PDGFC: variants seen among roughly 807,000 people sequenced by gnomAD.
The protein encoded by PDGFC is platelet derived growth factor C, also known as platelet-derived growth factor C.
PDGFC carries 12 observed loss-of-function variants against 35.5 expected under a neutral mutation model. The observed-to-expected ratio is 0.34, with a 90% CI of 0.22 to 0.55. The LOEUF (loss-of-function observed/expected upper bound fraction) is 0.55. Among genes scored for constraint, PDGFC ranks in the 20% least tolerant of loss-of-function variants. The pLI, the probability that PDGFC is intolerant of heterozygous loss-of-function variation, is 0.91. For missense variants in PDGFC, 322 were observed against 412.4 expected (o/e 0.78, Z 1.90); for synonymous variants, 159 against 148.8 (o/e 1.07, Z -0.50).
intron 1 of PDGFC, among the ~76,000 whole-genome samples, chr4:156,868,501 C>T (rs949518651): frequency 2.0e-5 from 3 of 152,046 alleles, no homozygotes; most frequent in African/African-American, 7.2e-5. Context: ...TGATGCTTTA[C>T]GATGAACAAA....
chr4:156,786,318 T>C (rs553471506), intron 3 of PDGFC, among the ~76,000 whole-genome samples: 4 of 152,108 alleles, frequency 2.6e-5, no homozygotes, highest in East Asian at 3.9e-4. Flanking sequence ...GATGGTAAAG[T>C]GTATTGCAGG....
intron 3 of PDGFC, among the ~76,000 whole-genome samples, chr4:156,790,194 T>A (rs1237979545): frequency 6.6e-6 from 1 of 152,136 alleles, no homozygotes; most frequent in Non-Finnish European, 1.5e-5. Flanking sequence ...ATTTAATGGG[T>A]TGTTTTGCAG....
intron 1 of PDGFC, among the ~76,000 whole-genome samples, chr4:156,934,314 A>G (rs1731625136): frequency 6.6e-6 from 1 of 152,244 alleles, no homozygotes; most frequent in South Asian, 2.1e-4. Context: ...CAATTGTAAT[A>G]CAACGGTAAG....
At chr4:156,784,135 G>A (rs1046821812) in intron 3 of PDGFC, among the ~76,000 whole-genome samples, 2 of 152,166 alleles carry the variant, frequency 1.3e-5, no homozygotes, top group African/African-American at 2.4e-5. Flanking sequence ...ACTTGGAATA[G>A]AGAAAGATAA....
intron 3 of PDGFC, among the ~76,000 whole-genome samples, chr4:156,790,026 T>C (rs1239149750): frequency 6.9e-6 from 1 of 144,676 alleles, no homozygotes; most frequent in Non-Finnish European, 1.5e-5. Context: ...AAACATAGTA[T>C]CATGGCAAGA....
intron 3 of PDGFC, among the ~76,000 whole-genome samples, chr4:156,786,597 G>A (rs931735671): frequency 6.6e-5 from 10 of 152,160 alleles, no homozygotes; most frequent in Non-Finnish European, 1.0e-4. Flanking sequence ...GGACTACAAG[G>A]GGACACTGTA....
In PDGFC at chr4:156,824,323, T is replaced by TAC. The variant is rs747886695; in HGVS notation, c.315-13307_315-13306insGT. ...ATATATATATATATATATATATATATATATACACACACACACACACACACA... is the reference window on the plus strand; with the variant it reads ...ATATATATATATATATATATATATATACATATACACACACACACACACACACA... On this transcript the variant is annotated intron_variant, in intron 2 of 5. Transcript: ENST00000502773. Among the ~76,000 whole-genome samples, 283 of 95,762 alleles carry TAC rather than the reference T, an allele frequency of 3.0e-3. 9 individuals are homozygous for TAC. Among genetic ancestry groups the TAC allele is most frequent in the African/African-American group, 0.012 (240 of 19,476 alleles). The allele number at this position is 95,762 out of a possible 152,430, so 62.8% of individuals were successfully genotyped here. A position where few individuals can be genotyped will look rare whatever the true frequency, so the allele number is the denominator to read the frequency against.
chr4:156,770,192 T>C (rs936199628), intron 4 of PDGFC: 1 of 152,042 alleles, frequency 6.6e-6, no homozygotes, highest in African/African-American at 2.4e-5. Flanking sequence ...GACACAAAAG[T>C]CAAAAGCCCT....
intron 3 of PDGFC, among the ~76,000 whole-genome samples, chr4:156,805,175 T>C (rs1731725693): frequency 6.6e-6 from 1 of 152,108 alleles, no homozygotes; most frequent in African/African-American, 2.4e-5. Flanking sequence ...AAGAGTTTAG[T>C]CTCTATAGCA....
intron 1 of PDGFC, among the ~76,000 whole-genome samples, chr4:156,944,801 A>T (rs1731900048): frequency 6.6e-6 from 1 of 152,056 alleles, no homozygotes; most frequent in South Asian, 2.1e-4. Flanking sequence ...TTGCTCCCCT[A>T]CAGTGTATTC....
At chr4:156,957,870 T>A (rs1280189088) in intron 1 of PDGFC, among the ~76,000 whole-genome samples, 1 of 151,968 alleles carries the variant, frequency 6.6e-6, no homozygotes, top group Non-Finnish European at 1.5e-5. Context: ...TTAGACTGCA[T>A]GAATTTCCCA....
At chr4:156,785,802 C>A (rs1358699344) in intron 3 of PDGFC, among the ~76,000 whole-genome samples, 1 of 152,134 alleles carries the variant, frequency 6.6e-6, no homozygotes, top group Non-Finnish European at 1.5e-5. Flanking sequence ...GGCTAGAATA[C>A]TCAGGAGGTG....
chr4:156,962,247 T>C (rs185513456), intron 1 of PDGFC, among the ~76,000 whole-genome samples: 3 of 152,140 alleles, frequency 2.0e-5, no homozygotes, highest in Admixed American at 6.5e-5. Context: ...CTCTCGCCCA[T>C]GATATATGCC....
chr4:156,948,202 G>A (rs1176905063), intron 1 of PDGFC, among the ~76,000 whole-genome samples: 7 of 148,792 alleles, frequency 4.7e-5, no homozygotes, highest in Middle Eastern at 3.4e-3. Flanking sequence ...AGGCTCAAGA[G>A]GGGATGTACA....
At chr4:156,835,935 C>T (rs1037500858) in intron 2 of PDGFC, 2 of 152,204 alleles carry the variant, frequency 1.3e-5, no homozygotes, top group African/African-American at 4.8e-5. Flanking sequence ...GAAGAACAAT[C>T]TTCTCTCCTC....
chr4:156,930,998 C>T (rs891953059), intron 1 of PDGFC, among the ~76,000 whole-genome samples: 2 of 152,170 alleles, frequency 1.3e-5, no homozygotes, highest in African/African-American at 4.8e-5. Flanking sequence ...GCCCAGTAAT[C>T]CCATAACTGT....
intron 1 of PDGFC, among the ~76,000 whole-genome samples, chr4:156,882,867 A>G (rs1203327406): frequency 6.6e-6 from 1 of 151,976 alleles, no homozygotes; most frequent in African/African-American, 2.4e-5. Context: ...GGCAGATCAT[A>G]AGGTCAGGAG....
chr4:156,790,549 T>G (rs12645258), intron 3 of PDGFC, among the ~76,000 whole-genome samples: 1 of 152,300 alleles, frequency 6.6e-6, no homozygotes, highest in East Asian at 1.9e-4. Flanking sequence ...CTTTATGAAT[T>G]TGGATAGAAT....
At chr4:156,952,360 C>T (rs1390597084) in intron 1 of PDGFC, among the ~76,000 whole-genome samples, 4 of 151,772 alleles carry the variant, frequency 2.6e-5, no homozygotes, top group African/African-American at 7.2e-5. Context: ...GTTATTAAAC[C>T]GCTGGGGTAA....
Sources: allele counts gnomAD v4.1 joint callset (sites outside exome capture counted in the v4.1 genomes callset), GRCh38; gene constraint gnomAD v4.1.1; transcripts MANE v1.5; gene names NCBI Gene and HGNC (gene_info 2026-07-23, HGNC 2026-07-21).